Variants in BTBD9 observed in about 807,000 individuals in gnomAD.
BTBD9 encodes the protein BTB/POZ domain-containing protein 9.
In BTBD9, 49 loss-of-function variants were observed where a neutral mutation model predicts 64.3. The observed-to-expected ratio is 0.76, with a 90% CI of 0.61 to 0.97. The LOEUF is 0.97. Among genes scored for constraint, BTBD9 ranks in the 50% least tolerant of loss-of-function variants. The pLI is 0.00. For synonymous variants in BTBD9, 260 were observed against 274.7 expected (o/e 0.95, Z 0.53); for missense variants, 598 against 762.1 (o/e 0.78, Z 2.53).
At chr6:38,178,907 CA>C (rs1349548310) in intron 10 of BTBD9, among the ~76,000 whole-genome samples, 1 of 152,032 alleles carries the variant, frequency 6.6e-6, no homozygotes, top group Non-Finnish European at 1.5e-5. Flanking sequence ...GGCTGGGGTG[CA>C]GGGGGGCTAT....
intron 9 of BTBD9, among the ~76,000 whole-genome samples, chr6:38,215,308 T>C (rs544711544): frequency 6.6e-6 from 1 of 152,330 alleles, no homozygotes; most frequent in South Asian, 2.1e-4. Flanking sequence ...AAGAATATTA[T>C]TTGTGTTCCT....
intron 10 of BTBD9, among the ~76,000 whole-genome samples, chr6:38,190,022 T>C (rs543423851): frequency 1.3e-5 from 2 of 149,610 alleles, no homozygotes; most frequent in African/African-American, 4.9e-5. Context: ...ATGTTTCCCA[T>C]GTTGGTCTTG....
chr6:38,303,343 C>T (rs755241297), intron 7 of BTBD9, among the ~76,000 whole-genome samples: 4 of 150,480 alleles, frequency 2.7e-5, no homozygotes, highest in Admixed American at 6.8e-5. Context: ...TCTTAGGCTG[C>T]GTGATGAATA....
At chr6:38,344,590 A>G (rs148800645) in intron 7 of BTBD9, among the ~76,000 whole-genome samples, 48 of 152,272 alleles carry the variant, frequency 3.2e-4, no homozygotes, top group Admixed American at 1.2e-3. Context: ...TATCCAATCA[A>G]AGGCCAAAAT....
chr6:38,507,653 T>C (rs1720361301), intron 6 of BTBD9, among the ~76,000 whole-genome samples: 1 of 152,186 alleles, frequency 6.6e-6, no homozygotes, highest in Non-Finnish European at 1.5e-5. Flanking sequence ...ACTCTTTTGA[T>C]GTTCCTCTTA....
rs991766734 is a variant in BTBD9 at position 38,251,446 on chromosome 6, G to A, written c.1562+4963C>T. On this transcript the variant is annotated intron_variant, in intron 9 of 10. Transcript: ENST00000481247. The stretch of plus-strand genomic sequence containing the variant: ...GGCCCAGCTAATTTTTGTATTTTTA[G>A]TAGAGACAGGGCTTCATCATGTTAG... 3.3e-5 allele frequency among the ~76,000 whole-genome samples: 5 copies of A among 151,816 alleles called. No homozygotes were observed. In the South Asian group the frequency reaches 8.3e-4, roughly 25 times the overall value.
At chr6:38,186,306 C>T (rs555891825) in intron 10 of BTBD9, among the ~76,000 whole-genome samples, 2 of 152,216 alleles carry the variant, frequency 1.3e-5, no homozygotes, top group East Asian at 3.9e-4. Flanking sequence ...ACCTGGCACA[C>T]AGTAAGTGCT....
At chr6:38,304,559 A>AC (rs200257948) in intron 7 of BTBD9, among the ~76,000 whole-genome samples, 3,034 of 148,844 alleles carry the variant, frequency 0.02, 27 homozygotes, top group Middle Eastern at 0.066. Context: ...AAACAAACAA[A>AC]AAAAAAAAAA....
chr6:38,580,068 C>T (rs1054964190), intron 5 of BTBD9, 150 bp downstream of exon 5: 1 of 654,962 alleles, frequency 1.5e-6, no homozygotes, highest in Non-Finnish European at 2.5e-6. Flanking sequence ...GAAATATATC[C>T]TTTAACTCCT....
At chr6:38,338,139 C>T (rs1404799386) in intron 7 of BTBD9, among the ~76,000 whole-genome samples, 1 of 152,126 alleles carries the variant, frequency 6.6e-6, no homozygotes, top group Non-Finnish European at 1.5e-5. Flanking sequence ...TTCCAAGATG[C>T]CCAGTGGATG....
rs1309661118 is a variant in BTBD9 at position 38,169,456 on chromosome 6, TGTG to T, written c.*5526_*5528del. 1 of 141,326 alleles carries T rather than the reference TGTG, an allele frequency of 7.1e-6. No individual in the cohort carries two copies. Among genetic ancestry groups the T allele is most frequent in the Non-Finnish European group, 1.5e-5 (1 of 64,550 alleles). 8.8% of individuals were successfully genotyped at this position (141,326 alleles called of 1,614,324 possible). Reference sequence around the variant, plus strand: ...CTGGGACATAAACCCCTGGGGCTCATGTGGTGGGGAGCAATTTGGCAGCAGACG... The same window carrying T: ...CTGGGACATAAACCCCTGGGGCTCATGTGGGGAGCAATTTGGCAGCAGACG... On this transcript the variant is annotated 3_prime_UTR_variant, in exon 11 of 11. Transcript: ENST00000481247.
At chr6:38,564,806 C>G (rs1053652329) in intron 6 of BTBD9, among the ~76,000 whole-genome samples, 1 of 151,938 alleles carries the variant, frequency 6.6e-6, no homozygotes, top group Non-Finnish European at 1.5e-5. Context: ...GCAGGAGAAT[C>G]GCATGAACCC....
rs62397017 is a variant in BTBD9, at chr6:38,264,696, C to T, written c.1455-8180G>A. On this transcript the variant is annotated intron_variant, in intron 8 of 10. Transcript: ENST00000481247. The stretch of plus-strand genomic sequence containing the variant: ...ACAGGGTTCGATGACGTGGCTTCAC[C>T]CTCAGGTGGGGAGCAAGGTCCAGCT... 4.6e-3 allele frequency among the ~76,000 whole-genome samples: 700 copies of T among 152,324 alleles called. 2 individuals are homozygous for T. The highest frequency in any genetic ancestry group is 8.0e-3 in the Non-Finnish European group (541 of 68,030).
chr6:38,411,799 C>T (rs1005098206), intron 6 of BTBD9, among the ~76,000 whole-genome samples: 11 of 151,892 alleles, frequency 7.2e-5, no homozygotes, highest in Admixed American at 2.0e-4. Flanking sequence ...CAGCCAGACA[C>T]GGTGGCGTGC....
intron 8 of BTBD9, among the ~76,000 whole-genome samples, chr6:38,281,201 C>T (rs1316307918): frequency 1.3e-5 from 2 of 152,068 alleles, no homozygotes. Context: ...TGTGCTTATC[C>T]TTCTGGAGGG....
At chr6:38,601,368 T>C (rs538941786) in intron 1 of BTBD9, among the ~76,000 whole-genome samples, 1 of 152,342 alleles carries the variant, frequency 6.6e-6, no homozygotes, top group African/African-American at 2.4e-5. Flanking sequence ...ACCAATGGGA[T>C]AGTTTACCTA....
At chr6:38,208,523 C>A (rs1270857817) in intron 9 of BTBD9, among the ~76,000 whole-genome samples, 1 of 152,118 alleles carries the variant, frequency 6.6e-6, no homozygotes, top group African/African-American at 2.4e-5. Context: ...TGTCTGTCCC[C>A]GCTAGGTCCC....
chr6:38,279,368 T>C lies in BTBD9; in HGVS notation c.1454+8904A>G, dbSNP rs191737754. 5.4e-4 allele frequency among the ~76,000 whole-genome samples: 82 copies of C among 152,180 alleles called. 1 individual carries two copies. In the East Asian group the frequency reaches 0.012, roughly 23 times the overall value. ...AAGTTGGGCTCCTGGGAAAAGAGTC[T>C]CTGATTTAAGGGTACTTGGGGAAAG... On this transcript the variant is annotated intron_variant, in intron 8 of 10. Coordinates refer to ENST00000481247, the MANE Select transcript of BTBD9 (RefSeq NM_001099272.2).
At chr6:38,538,065 T>C (rs1227388920) in intron 6 of BTBD9, among the ~76,000 whole-genome samples, 3 of 152,226 alleles carry the variant, frequency 2.0e-5, no homozygotes, top group Non-Finnish European at 2.9e-5. Flanking sequence ...GTCTTTTTGA[T>C]GCAATTGTTT....
Sources: allele counts gnomAD v4.1 joint callset (sites outside exome capture counted in the v4.1 genomes callset), GRCh38; gene constraint gnomAD v4.1.1; transcripts MANE v1.5; gene names NCBI Gene and HGNC (gene_info 2026-07-23, HGNC 2026-07-21).